TMC1: variants seen among roughly 807,000 people sequenced by gnomAD.
The protein encoded by TMC1 is transmembrane channel like 1.
A neutral mutation model predicts 105.8 loss-of-function variants in TMC1; 84 were observed. That is an observed-to-expected ratio of 0.79 (90% CI 0.67 to 0.95). The LOEUF is 0.95. TMC1 is among the 40% of genes least tolerant of loss of function. TMC1 has a pLI of 0.00. For missense variants in TMC1, 817 were observed against 914.1 expected (o/e 0.89, Z 1.37); for synonymous variants, 315 against 311.5 (o/e 1.01, Z -0.12).
At chr9:72,666,304 T>C (rs2132164933) in intron 5 of TMC1, among the ~76,000 whole-genome samples, 1 of 152,014 alleles carries the variant, frequency 6.6e-6, no homozygotes, top group African/African-American at 2.4e-5. Context: ...GCTTTAATAT[T>C]CAGAGGCATG....
chr9:72,812,418 A>AG (rs1427337393), intron 18 of TMC1, among the ~76,000 whole-genome samples: 1 of 152,238 alleles, frequency 6.6e-6, no homozygotes, highest in African/African-American at 2.4e-5. Flanking sequence ...ATATGTGGAC[A>AG]GGATCTGTCT....
At chr9:72,590,320 A>C (rs183690519) in intron 2 of TMC1, among the ~76,000 whole-genome samples, 2 of 152,342 alleles carry the variant, frequency 1.3e-5, no homozygotes, top group East Asian at 3.9e-4. Context: ...AAAGGAAATA[A>C]TTGTGTAGCT....
Position 72,805,456 on chromosome 9 carries a change from A to G in TMC1, c.1641A>G (p.Ala547=), listed in dbSNP as rs890131604. 1.2e-6 allele frequency: 2 copies of G among 1,613,346 alleles called. No individual in the cohort carries two copies. The highest frequency in any genetic ancestry group is 2.2e-5 in the South Asian group (2 of 91,052). The change falls in exon 18 of 24, where the codon GCA becomes GCG. Residue 547 remains alanine (A), a synonymous_variant. Transcript: ENST00000297784. ...TCCTCATTGGGGACTTTCTAAGGGC[A>G]TGTTTTGTGAGGTTTTGCAATTATT... The part of the protein sequence containing the change: ...VTILIGDFLR[A]CFVRFCNYCW...
chr9:72,756,217 AG>A (rs1440242538), intron 12 of TMC1, among the ~76,000 whole-genome samples: 1 of 152,252 alleles, frequency 6.6e-6, no homozygotes, highest in Non-Finnish European at 1.5e-5. Flanking sequence ...GGTTTTACAA[AG>A]ATGAATGTGA....
chr9:72,712,140 G>T (rs1826847398), intron 8 of TMC1, among the ~76,000 whole-genome samples: 2 of 152,006 alleles, frequency 1.3e-5, no homozygotes, highest in South Asian at 4.2e-4. Context: ...ATCTGTTTTG[G>T]TACCAGTACC....
At chr9:72,757,339 C>T (rs191164790) in intron 12 of TMC1, among the ~76,000 whole-genome samples, 10 of 152,170 alleles carry the variant, frequency 6.6e-5, no homozygotes, top group Admixed American at 6.5e-4. Context: ...AGACTAAGCT[C>T]GAGTGTTCTT....
intron 13 of TMC1, among the ~76,000 whole-genome samples, chr9:72,773,066 C>T (rs1163719712): frequency 6.6e-6 from 1 of 152,138 alleles, no homozygotes; most frequent in Non-Finnish European, 1.5e-5. Flanking sequence ...ACTGTATAAT[C>T]ATGGTTTGTC....
At chr9:72,542,571 C>T (rs913302867) in intron 1 of TMC1, among the ~76,000 whole-genome samples, 2 of 150,552 alleles carry the variant, frequency 1.3e-5, no homozygotes, top group Non-Finnish European at 3.0e-5. Context: ...AGTGAGCTGA[C>T]ATTGTGCCAC....
chr9:72,668,563 A>T (rs545817697), intron 5 of TMC1, among the ~76,000 whole-genome samples: 147 of 152,330 alleles, frequency 9.7e-4, no homozygotes, highest in South Asian at 6.4e-3. Context: ...TAATTTGGTA[A>T]CCAAGAGAGA....
intron 1 of TMC1, among the ~76,000 whole-genome samples, chr9:72,555,105 C>T (rs893966086): frequency 6.6e-6 from 1 of 151,782 alleles, no homozygotes; most frequent in Admixed American, 6.6e-5. Flanking sequence ...TATCAAATTT[C>T]TGACCTCAAG....
rs1020789966 is a variant in TMC1, at chr9:72,750,855, G to A, written c.536-995G>A. Among the ~76,000 whole-genome samples the A allele has an allele frequency of 4.6e-5, 7 of 152,276 alleles. No individual in the cohort carries two copies. The East Asian group carries it at 1.4e-3, about 29-fold the overall frequency. On this transcript the variant is annotated intron_variant, in intron 10 of 23. Coordinates refer to ENST00000297784, the MANE Select transcript of TMC1 (RefSeq NM_138691.3). ...CTCATTCATGTACTCCAACTGCACA[G>A]GCCTGAGTTTTATTCCTCAGTAGTC... is the stretch of plus-strand genomic sequence containing the variant.
chr9:72,792,151 C>T (rs749663135), intron 16 of TMC1, 40 bp from the exon 17 acceptor site: 36 of 1,613,940 alleles, frequency 2.2e-5, no homozygotes, highest in Non-Finnish European at 3.0e-5. Context: ...TTTGAAATCT[C>T]TGTTGTCTTC....
intron 21 of TMC1, among the ~76,000 whole-genome samples, chr9:72,827,304 A>G (rs1410669080): frequency 2.0e-5 from 3 of 152,246 alleles, no homozygotes; most frequent in Non-Finnish European, 4.4e-5. Flanking sequence ...GCTAAATCTA[A>G]TCAGTACATT....
intron 5 of TMC1, among the ~76,000 whole-genome samples, chr9:72,658,563 C>T (rs965737433): frequency 6.6e-6 from 1 of 152,090 alleles, no homozygotes; most frequent in South Asian, 2.1e-4. Flanking sequence ...TTTTGCTAAA[C>T]GTGTATAACA....
intron 19 of TMC1, among the ~76,000 whole-genome samples, chr9:72,820,428 C>T (rs2118296847): frequency 6.6e-6 from 1 of 152,160 alleles, no homozygotes; most frequent in African/African-American, 2.4e-5. Flanking sequence ...GAAGAAGTGA[C>T]TTTAAGGGTT....
intron 6 of TMC1, 57 bp downstream of exon 6, chr9:72,688,813 A>G: frequency 1.4e-6 from 2 of 1,431,180 alleles, no homozygotes; most frequent in Non-Finnish European, 2.0e-6. Flanking sequence ...GTAAACTCAA[A>G]GAATTTATCC....
chr9:72,746,503 A>G (rs924434694), intron 10 of TMC1, among the ~76,000 whole-genome samples: 1 of 152,194 alleles, frequency 6.6e-6, no homozygotes, highest in African/African-American at 2.4e-5. Context: ...TCCATTCCCA[A>G]CAGCCTTTCT....
intron 4 of TMC1, among the ~76,000 whole-genome samples, chr9:72,647,203 CT>C (rs1272660664): frequency 1.4e-5 from 2 of 147,832 alleles, no homozygotes; most frequent in Admixed American, 6.7e-5. Flanking sequence ...ATATCTCTTA[CT>C]TTTTTTTTAG....
chr9:72,628,198 T>C (rs1279012320), intron 4 of TMC1, 135 bp downstream of exon 4: 1 of 366,442 alleles, frequency 2.7e-6, no homozygotes, highest in South Asian at 2.0e-5. Flanking sequence ...TGCTAAATCC[T>C]GGGGGAGATT....
Sources: gnomAD v4.1 joint callset for allele counts (sites outside exome capture counted in the v4.1 genomes callset) on GRCh38, gnomAD v4.1.1 for gene constraint, MANE v1.5 for transcripts, NCBI Gene and HGNC (gene_info 2026-07-23, HGNC 2026-07-21) for gene names.